Variants in BIK observed in about 807,000 individuals in gnomAD.
The protein encoded by BIK is BCL2 interacting killer, also known as bcl-2-interacting killer.
In BIK, 14 loss-of-function variants were observed where a neutral mutation model predicts 12.1. The ratio of observed to expected loss-of-function variants is 1.16; its 90% CI spans 0.77 to 1.81. The LOEUF (loss-of-function observed/expected upper bound fraction) is 1.81, where lower values mean the gene tolerates loss of function less well. Among genes scored for constraint, BIK ranks in the 40% most tolerant of loss-of-function variants. BIK has a pLI of 0.00. For missense variants in BIK, 215 were observed against 207.9 expected (o/e 1.03, Z -0.21); for synonymous variants, 86 against 92.3 (o/e 0.93, Z 0.39).
intron 1 of BIK, among the ~76,000 whole-genome samples, chr22:43,114,821 G>A (rs1356449363): frequency 6.6e-6 from 1 of 152,226 alleles, no homozygotes; most frequent in Non-Finnish European, 1.5e-5. Context: ...CTCTTAGTGG[G>A]CACTTACTGC....
At position 43,128,601 on chromosome 22, in the gene BIK, G is replaced by A. The variant is rs1264577870; in HGVS notation, c.366G>A (p.Trp122Ter). 4.3e-6 allele frequency: 7 copies of A among 1,612,754 alleles called. No homozygotes were observed. In the African/African-American group the frequency reaches 8.0e-5, roughly 18 times the overall value. The change falls in exon 4 of 5, where the codon TGG becomes TGA. Residue 122 changes from tryptophan to a stop codon, truncating the protein, a stop_gained. Coordinates refer to ENST00000216115, the MANE Select transcript of BIK (RefSeq NM_001197.5). LOFTEE classifies it low-confidence loss of function (END_TRUNC). ...TTAAGGAGAACATAATGAGGTTCTGGAGATCCCCGAACCCCGGGTCCTGGG... is the reference window on the plus strand; with the variant it reads ...TTAAGGAGAACATAATGAGGTTCTGAAGATCCCCGAACCCCGGGTCCTGGG... ...TTLKENIMRF[W>*]RSPNPGSWVS...
chr22:43,129,568 C>A lies in BIK; in HGVS notation c.*263C>A. 1 of 575,234 alleles carries A rather than the reference C, an allele frequency of 1.7e-6. No individual in the cohort carries two copies. Among genetic ancestry groups the A allele is most frequent in the Non-Finnish European group, 2.9e-6 (1 of 339,640 alleles). 35.6% of individuals were successfully genotyped at this position (575,234 alleles called of 1,614,324 possible). A position where few individuals can be genotyped will look rare whatever the true frequency, so the allele number is the denominator to read the frequency against. The stretch of plus-strand genomic sequence containing the variant: ...ACTGTGGCCTGTGCCCAGGAAGAGC[C>A]ATTCACTCCTGCCCCTGCCCACACG... On this transcript the variant is annotated 3_prime_UTR_variant, in exon 5 of 5. Coordinates refer to ENST00000216115, the MANE Select transcript of BIK (RefSeq NM_001197.5).
chr22:43,121,468 T>G (rs578161188), intron 1 of BIK, among the ~76,000 whole-genome samples: 5 of 152,206 alleles, frequency 3.3e-5, no homozygotes, highest in Admixed American at 2.6e-4. Context: ...GCCTAAGGAT[T>G]CTCGGAATGC....
At position 43,129,316 on chromosome 22, in the gene BIK, G is replaced by C. The variant is rs565847493; in HGVS notation, c.*11G>C. The C allele has an allele frequency of 9.4e-6, 15 of 1,596,716 alleles. No individual in the cohort carries two copies. Among genetic ancestry groups the C allele is most frequent in the Non-Finnish European group, 8.5e-6 (10 of 1,178,240 alleles). On this transcript the variant is annotated 3_prime_UTR_variant, in exon 5 of 5. Transcript: ENST00000216115. Reference sequence around the variant, plus strand: ...CTGCTGCTCAAGTGAGGCCCCGGCGGCTCAGGGCGGGGCTGGCCCCACCCC... The same window carrying C: ...CTGCTGCTCAAGTGAGGCCCCGGCGCCTCAGGGCGGGGCTGGCCCCACCCC...
Position 43,129,386 on chromosome 22 carries a change from T to G in BIK, c.*81T>G. Reference sequence around the variant, plus strand: ...GTGGCGGCCTGCTGCTGTTATCTTTTTAACTGTTTTCTCATGATGCCTTTT... The same window carrying G: ...GTGGCGGCCTGCTGCTGTTATCTTTGTAACTGTTTTCTCATGATGCCTTTT... On this transcript the variant is annotated 3_prime_UTR_variant, in exon 5 of 5. Transcript: ENST00000216115. 6.7e-7 allele frequency: 1 copy of G among 1,498,882 alleles called. No individual in the cohort carries two copies. Among genetic ancestry groups the G allele is most frequent in the Non-Finnish European group, 8.8e-7 (1 of 1,132,716 alleles). 92.8% of individuals were successfully genotyped at this position (1,498,882 alleles called of 1,614,324 possible).
At chr22:43,113,823 A>G (rs1008212465) in intron 1 of BIK, among the ~76,000 whole-genome samples, 1 of 152,170 alleles carries the variant, frequency 6.6e-6, no homozygotes, top group Non-Finnish European at 1.5e-5. Context: ...AGCGGATCCC[A>G]TGAGATTTTG....
chr22:43,116,982 G>T (rs910728606), intron 1 of BIK, among the ~76,000 whole-genome samples: 4 of 152,146 alleles, frequency 2.6e-5, no homozygotes, highest in Admixed American at 1.3e-4. Flanking sequence ...GGGAATCTTG[G>T]GGGGAGCTGC....
intron 1 of BIK, among the ~76,000 whole-genome samples, chr22:43,123,434 T>C: frequency 6.6e-6 from 1 of 152,140 alleles, no homozygotes; most frequent in East Asian, 1.9e-4. Flanking sequence ...AATATTTATT[T>C]ATACTCTGAT....
chr22:43,127,928 T>G (rs764540795), intron 3 of BIK, 133 bp downstream of exon 3: 2 of 875,974 alleles, frequency 2.3e-6, no homozygotes, highest in Non-Finnish European at 3.4e-6. Context: ...GGGGCTATAC[T>G]GAAACCCTTG....
intron 1 of BIK, among the ~76,000 whole-genome samples, chr22:43,113,585 C>A (rs1480204985): frequency 6.6e-5 from 10 of 151,982 alleles, no homozygotes; most frequent in African/African-American, 2.4e-4. Context: ...CACAGAGCTG[C>A]AGATAAACCA....
intron 1 of BIK, among the ~76,000 whole-genome samples, chr22:43,123,330 C>T (rs1360532281): frequency 2.6e-5 from 4 of 152,194 alleles, no homozygotes; most frequent in African/African-American, 9.7e-5. Flanking sequence ...AGGAATCGCC[C>T]TGCAGCCTGG....
In BIK at chr22:43,124,333, G is replaced by T. The variant is rs1010815491; in HGVS notation, c.161+150G>T. ...AGATTTCCCGGATGTGGGCATGGAG[G>T]CTTCTGCCCTGGGAGCGGCTTCACT... On this transcript the variant is annotated intron_variant, in intron 2 of 4. Coordinates refer to ENST00000216115, the MANE Select transcript of BIK (RefSeq NM_001197.5). 1.8e-5 allele frequency: 18 copies of T among 984,210 alleles called. No individual in the cohort carries two copies. The African/African-American group carries it at 2.9e-4, about 16-fold the overall frequency. 61.0% of individuals were successfully genotyped at this position (984,210 alleles called of 1,614,324 possible).
chr22:43,129,332 GC>G lies in BIK; in HGVS notation c.*31del. 6.3e-7 allele frequency: 1 copy of G among 1,592,790 alleles called. No individual in the cohort carries two copies. Among genetic ancestry groups the G allele is most frequent in the Non-Finnish European group, 8.5e-7 (1 of 1,176,710 alleles). ...GCCCCGGCGGCTCAGGGCGGGGCTG[GC>G]CCCACCCCCATGACCACTGCCCTGG... On this transcript the variant is annotated 3_prime_UTR_variant, in exon 5 of 5. Coordinates refer to ENST00000216115, the MANE Select transcript of BIK (RefSeq NM_001197.5).
At chr22:43,122,564 C>A (rs1044999548) in intron 1 of BIK, among the ~76,000 whole-genome samples, 12 of 152,148 alleles carry the variant, frequency 7.9e-5, no homozygotes, top group African/African-American at 2.9e-4. Flanking sequence ...ACATCTAAGG[C>A]TGTTTGGTAC....
At chr22:43,124,660 G>A (rs1213924282) in intron 2 of BIK, among the ~76,000 whole-genome samples, 1 of 152,240 alleles carries the variant, frequency 6.6e-6, no homozygotes, top group African/African-American at 2.4e-5. Context: ...GGGAGGCTGA[G>A]GCAGGCGGAT....
intron 1 of BIK, 77 bp from the exon 2 acceptor site, chr22:43,123,938 CT>C: frequency 6.7e-7 from 1 of 1,493,028 alleles, no homozygotes; most frequent in African/African-American, 1.4e-5. Flanking sequence ...GCTATACAAT[CT>C]GGGGGTCATC....
chr22:43,118,848 C>T (rs1930167154), intron 1 of BIK, among the ~76,000 whole-genome samples: 1 of 152,108 alleles, frequency 6.6e-6, no homozygotes, highest in Non-Finnish European at 1.5e-5. Flanking sequence ...CTGCCCCCAA[C>T]CCCGCTCTGA....
chr22:43,117,666 G>A (rs527877943), intron 1 of BIK, among the ~76,000 whole-genome samples: 69 of 151,446 alleles, frequency 4.6e-4, no homozygotes, highest in Non-Finnish European at 7.2e-4. Context: ...CACCGCGCCC[G>A]GCCCATATTT....
intron 1 of BIK, among the ~76,000 whole-genome samples, chr22:43,122,699 AAAG>A (rs1325698589): frequency 2.0e-5 from 3 of 152,304 alleles, no homozygotes; most frequent in East Asian, 3.9e-4. Flanking sequence ...CTTTGGTGGC[AAAG>A]AAGAGGAAAC....
Sources: allele counts gnomAD v4.1 joint callset (sites outside exome capture counted in the v4.1 genomes callset), GRCh38; gene constraint gnomAD v4.1.1; transcripts MANE v1.5; gene names NCBI Gene and HGNC (gene_info 2026-07-23, HGNC 2026-07-21).